The following XYLT1 variants were observed in gnomAD, a reference collection of about 807,000 sequenced individuals.
The protein encoded by XYLT1 is beta-D-xylosyltransferase 1.
Under a neutral mutation model 91.3 loss-of-function variants are expected in XYLT1, and 36 were observed. The ratio of observed to expected loss-of-function variants is 0.39; its 90% CI spans 0.30 to 0.52. The LOEUF is 0.52. Among genes scored for constraint, XYLT1 ranks in the 20% least tolerant of loss-of-function variants. XYLT1 has a pLI of 0.68. For synonymous variants in XYLT1, 588 were observed against 532.0 expected (o/e 1.11, Z -1.45); for missense variants, 1,242 against 1,284.5 (o/e 0.97, Z 0.51).
At chr16:17,347,403 G>A (rs553993442) in intron 2 of XYLT1, among the ~76,000 whole-genome samples, 1 of 152,226 alleles carries the variant, frequency 6.6e-6, no homozygotes, top group South Asian at 2.1e-4. Context: ...GAATGAATGA[G>A]AATACTCCAA....
At chr16:17,154,770 C>T (rs2031365926) in intron 6 of XYLT1, among the ~76,000 whole-genome samples, 1 of 152,224 alleles carries the variant, frequency 6.6e-6, no homozygotes, top group Non-Finnish European at 1.5e-5. Context: ...TATGCCATCT[C>T]TTCACAGTGG....
chr16:17,258,619 T>C (rs2033671411), intron 3 of XYLT1, among the ~76,000 whole-genome samples: 1 of 152,114 alleles, frequency 6.6e-6, no homozygotes, highest in Non-Finnish European at 1.5e-5. Flanking sequence ...CATAATCAAT[T>C]ACAATAATAT....
At chr16:17,161,674 C>T (rs1050773678) in intron 5 of XYLT1, among the ~76,000 whole-genome samples, 1 of 53,614 alleles carries the variant, frequency 1.9e-5, no homozygotes, top group African/African-American at 6.3e-5. Context: ...CAGTTTCTCG[C>T]GCGCTCTCTC....
rs71137987 is a variant in XYLT1, at chr16:17,379,763, T to TCACACACACACACA, written c.364-21727_364-21714dup. On this transcript the variant is annotated intron_variant, in intron 1 of 11. Coordinates refer to ENST00000261381, the MANE Select transcript of XYLT1 (RefSeq NM_022166.4). ...CTCTCTCTCTCTCTCTCTCTCTCTC[T>TCACACACACACACA]CACACACACACACACACACACACAC... Among the ~76,000 whole-genome samples, 95 of 125,618 alleles carry TCACACACACACACA rather than the reference T, an allele frequency of 7.6e-4. 1 individual carries two copies. Among genetic ancestry groups the TCACACACACACACA allele is most frequent in the African/African-American group, 2.7e-3 (86 of 31,758 alleles). The allele number at this position is 125,618 out of a possible 152,430, so 82.4% of individuals were successfully genotyped here.
At chr16:17,396,039 A>T (rs972726474) in intron 1 of XYLT1, among the ~76,000 whole-genome samples, 2 of 152,214 alleles carry the variant, frequency 1.3e-5, no homozygotes, top group African/African-American at 4.8e-5. Context: ...TGCAAGTCCA[A>T]GCCAGAGCTG....
intron 2 of XYLT1, among the ~76,000 whole-genome samples, chr16:17,300,160 T>C (rs1315485057): frequency 1.3e-5 from 2 of 152,188 alleles, no homozygotes; most frequent in East Asian, 3.9e-4. Flanking sequence ...TGGTGAAAAC[T>C]GACCTTGGAT....
chr16:17,163,259 G>A (rs552075850), intron 5 of XYLT1, among the ~76,000 whole-genome samples: 65 of 152,286 alleles, frequency 4.3e-4, no homozygotes, highest in Admixed American at 2.0e-3. Flanking sequence ...GCTCCCAGAG[G>A]GCCATGGCAC....
intron 2 of XYLT1, among the ~76,000 whole-genome samples, chr16:17,317,031 C>T (rs2034645471): frequency 6.6e-6 from 1 of 150,632 alleles, no homozygotes; most frequent in Non-Finnish European, 1.5e-5. Context: ...ACCGTGTTAG[C>T]CAGGATGGTC....
In XYLT1 at chr16:17,339,856, G is replaced by A. The variant is rs530026487; in HGVS notation, c.402+18156C>T. ...CCTTCTTCCTTCCTTCCCTCCTTCC[G>A]TCTTTTCTCCCTTCCATCTGTGTAT... On this transcript the variant is annotated intron_variant, in intron 2 of 11. Transcript: ENST00000261381. Among the ~76,000 whole-genome samples, 30 of 148,498 alleles carry A rather than the reference G, an allele frequency of 2.0e-4. No individual in the cohort carries two copies. In the South Asian group the frequency reaches 5.9e-3, roughly 29 times the overall value.
intron 1 of XYLT1, among the ~76,000 whole-genome samples, chr16:17,371,735 G>C (rs1449583976): frequency 6.6e-6 from 1 of 152,188 alleles, no homozygotes; most frequent in Non-Finnish European, 1.5e-5. Context: ...ACCTTTCTAG[G>C]TCTAAAAAGG....
chr16:17,235,260 G>C (rs74474277), intron 3 of XYLT1, among the ~76,000 whole-genome samples: 3,392 of 151,242 alleles, frequency 0.022, 49 homozygotes, highest in Non-Finnish European at 0.033. Flanking sequence ...GTTGAGACGT[G>C]TTGAAAGTGG....
intron 2 of XYLT1, among the ~76,000 whole-genome samples, chr16:17,288,346 TGG>T (rs1178698504): frequency 6.6e-6 from 1 of 151,734 alleles, no homozygotes; most frequent in African/African-American, 2.4e-5. Flanking sequence ...GCAAAACCCT[TGG>T]TGTATAACTT....
At chr16:17,434,082 TC>T (rs1448004503) in intron 1 of XYLT1, among the ~76,000 whole-genome samples, 1 of 152,184 alleles carries the variant, frequency 6.6e-6, no homozygotes, top group African/African-American at 2.4e-5. Context: ...CATTACAGTA[TC>T]CACTTCAGTG....
chr16:17,114,574 G>T (rs1966848289), intron 11 of XYLT1, among the ~76,000 whole-genome samples: 1 of 152,164 alleles, frequency 6.6e-6, no homozygotes, highest in Non-Finnish European at 1.5e-5. Flanking sequence ...AGTGGTTTGA[G>T]AGTTTTTCCC....
chr16:17,310,222 T>C (rs115310957), intron 2 of XYLT1, among the ~76,000 whole-genome samples: 86 of 152,308 alleles, frequency 5.6e-4, no homozygotes, highest in African/African-American at 2.0e-3. Context: ...TCTTTAGCCA[T>C]TACCAGGTTT....
At chr16:17,124,509 G>C (rs189419703) in intron 10 of XYLT1, among the ~76,000 whole-genome samples, 49 of 152,252 alleles carry the variant, frequency 3.2e-4, no homozygotes, top group Middle Eastern at 3.4e-3. Flanking sequence ...TTCCTTTATA[G>C]GTTACCTGAT....
At chr16:17,357,273 C>T (rs1402537124) in intron 2 of XYLT1, among the ~76,000 whole-genome samples, 1 of 150,236 alleles carries the variant, frequency 6.7e-6, no homozygotes, top group East Asian at 2.0e-4. Context: ...TCAACCACAA[C>T]TCTGCAAGGT....
intron 10 of XYLT1, among the ~76,000 whole-genome samples, chr16:17,118,479 C>A (rs1476242065): frequency 2.0e-5 from 3 of 152,178 alleles, no homozygotes; most frequent in Non-Finnish European, 4.4e-5. Flanking sequence ...AAGCTAGAGA[C>A]CCTCAGCATT....
At chr16:17,364,483 G>C (rs1453225629) in intron 1 of XYLT1, among the ~76,000 whole-genome samples, 2 of 152,090 alleles carry the variant, frequency 1.3e-5, no homozygotes, top group African/African-American at 2.4e-5. Flanking sequence ...TCTTCTCTTT[G>C]ATTTCTTCCT....
Sources: allele counts gnomAD v4.1 joint callset (sites outside exome capture counted in the v4.1 genomes callset), GRCh38; gene constraint gnomAD v4.1.1; transcripts MANE v1.5; gene names NCBI Gene and HGNC (gene_info 2026-07-23, HGNC 2026-07-21).